DHRSX: variants seen among roughly 807,000 people sequenced by gnomAD.
The protein encoded by DHRSX is dehydrogenase/reductase X-linked.
Under a neutral mutation model 34.0 loss-of-function variants are expected in DHRSX, and 31 were observed. The ratio of observed to expected loss-of-function variants is 0.91; its 90% CI spans 0.69 to 1.23. The LOEUF (loss-of-function observed/expected upper bound fraction) is 1.23, where lower values mean the gene tolerates loss of function less well. Among genes scored for constraint, DHRSX ranks in the 50% most tolerant of loss-of-function variants. The pLI, the probability that DHRSX is intolerant of heterozygous loss-of-function variation, is 0.00. For missense variants in DHRSX, 414 were observed against 428.1 expected (o/e 0.97, Z 0.29); for synonymous variants, 201 against 183.8 (o/e 1.09, Z -0.76).
intron 3 of DHRSX, among the ~76,000 whole-genome samples, chrX:2,397,690 C>T (rs1463032051): frequency 1.3e-5 from 2 of 151,926 alleles, no homozygotes; most frequent in Non-Finnish European, 2.9e-5. Flanking sequence ...TTAAATAGCG[C>T]GTAGAATTTG....
intron 3 of DHRSX, among the ~76,000 whole-genome samples, chrX:2,330,245 A>G (rs1197446793): frequency 2.6e-5 from 4 of 151,434 alleles, no homozygotes; most frequent in Non-Finnish European, 4.4e-5. Context: ...AGAAGGGGCC[A>G]GGTGCGGTGT....
chrX:2,254,657 T>A (rs2041251264), intron 5 of DHRSX, among the ~76,000 whole-genome samples: 1 of 152,170 alleles, frequency 6.6e-6, no homozygotes, highest in African/African-American at 2.4e-5. Flanking sequence ...TTTGTTTGTT[T>A]GTTTTTTTGA....
intron 4 of DHRSX, among the ~76,000 whole-genome samples, chrX:2,287,392 C>T (rs2124486316): frequency 6.6e-6 from 1 of 151,980 alleles, no homozygotes; most frequent in East Asian, 1.9e-4. Flanking sequence ...AGAATAATGA[C>T]CCAAAGATGT....
chrX:2,459,144 A>G (rs1226814226), intron 1 of DHRSX, among the ~76,000 whole-genome samples: 2 of 152,114 alleles, frequency 1.3e-5, no homozygotes, highest in African/African-American at 4.8e-5. Flanking sequence ...TCTCAAAAAC[A>G]TAAATTACAT....
rs763372521 is a variant in DHRSX, at chrX:2,330,136, AAGG to A, written c.287-38536_287-38534del. The stretch of plus-strand genomic sequence containing the variant: ...AGAGAGAGAGAGACAGAGAGAAAGG[AAGG>A]AGGAGGAGGAGAAAGGAAGGAGGAG... On this transcript the variant is annotated intron_variant, in intron 3 of 6. Transcript: ENST00000334651. 7.3e-5 allele frequency among the ~76,000 whole-genome samples: 8 copies of A among 109,650 alleles called. No homozygotes were observed. The East Asian group carries it at 2.2e-3, about 30-fold the overall frequency. The allele number at this position is 109,650 out of a possible 152,430, so 71.9% of individuals were successfully genotyped here.
At chrX:2,282,651 GGA>G (rs1353526373) in intron 4 of DHRSX, among the ~76,000 whole-genome samples, 9 of 137,144 alleles carry the variant, frequency 6.6e-5, no homozygotes, top group South Asian at 2.5e-4. Context: ...AGGGAGAGAG[GGA>G]GAGAGAGAAT....
chrX:2,267,552 A>C (rs926908583), intron 4 of DHRSX, among the ~76,000 whole-genome samples: 1 of 151,490 alleles, frequency 6.6e-6, no homozygotes, highest in Non-Finnish European at 1.5e-5. Flanking sequence ...TCAAAAAAAA[A>C]AAAAAGGAAA....
intron 3 of DHRSX, among the ~76,000 whole-genome samples, chrX:2,354,555 G>A (rs867483515): frequency 1.3e-5 from 2 of 152,116 alleles, no homozygotes; most frequent in East Asian, 1.9e-4. Context: ...TCTGTCTCCC[G>A]GGTTCACACC....
chrX:2,295,425 G>GC (rs1569484906), intron 3 of DHRSX, among the ~76,000 whole-genome samples: 1 of 152,094 alleles, frequency 6.6e-6, no homozygotes, highest in Non-Finnish European at 1.5e-5. Flanking sequence ...GGGCTTGCTG[G>GC]GGGGTGGAGG....
At chrX:2,251,261 C>G (rs2016428019) in intron 5 of DHRSX, among the ~76,000 whole-genome samples, 1 of 152,154 alleles carries the variant, frequency 6.6e-6, no homozygotes, top group South Asian at 2.1e-4. Context: ...AAGACTTGTG[C>G]TAACATTCCT....
At chrX:2,446,140 C>T (rs2044130953) in intron 1 of DHRSX, among the ~76,000 whole-genome samples, 2 of 150,262 alleles carry the variant, frequency 1.3e-5, no homozygotes, top group African/African-American at 2.4e-5. Context: ...AAGTGTGCGG[C>T]CAAGGGACTA....
intron 1 of DHRSX, among the ~76,000 whole-genome samples, chrX:2,484,772 A>G (rs146566585): frequency 0.012 from 1,813 of 152,164 alleles, 19 homozygotes; most frequent in Middle Eastern, 0.058. Flanking sequence ...CTGCTGCCCA[A>G]GCACATCTGA....
At chrX:2,331,436 G>GGTT (rs1249970222) in intron 3 of DHRSX, among the ~76,000 whole-genome samples, 1 of 94,658 alleles carries the variant, frequency 1.1e-5, no homozygotes, top group African/African-American at 3.3e-5. Context: ...AGGTTTTTTG[G>GGTT]TTTTTTTTTT....
At chrX:2,433,919 C>T (rs1342005046) in intron 1 of DHRSX, among the ~76,000 whole-genome samples, 43 of 152,092 alleles carry the variant, frequency 2.8e-4, no homozygotes, top group African/African-American at 4.6e-4. Flanking sequence ...GGACTACAGG[C>T]GCCCGCCACC....
At chrX:2,256,236 A>G (rs2041276731) in intron 5 of DHRSX, among the ~76,000 whole-genome samples, 2 of 150,456 alleles carry the variant, frequency 1.3e-5, no homozygotes, top group African/African-American at 4.9e-5. Context: ...CTTGCGATCC[A>G]CCCCTCTCAG....
intron 4 of DHRSX, among the ~76,000 whole-genome samples, chrX:2,272,867 A>G (rs2041575817): frequency 6.6e-6 from 1 of 152,254 alleles, no homozygotes; most frequent in South Asian, 2.1e-4. Context: ...TACAAGCTGT[A>G]TAGAAAACAG....
intron 5 of DHRSX, among the ~76,000 whole-genome samples, chrX:2,260,617 G>A (rs1442309288): frequency 3.9e-5 from 6 of 151,924 alleles, no homozygotes; most frequent in Admixed American, 1.3e-4. Context: ...GCAGCACCAC[G>A]CCCGGCTAAT....
intron 3 of DHRSX, among the ~76,000 whole-genome samples, chrX:2,306,489 T>A (rs1359299187): frequency 6.8e-6 from 1 of 147,570 alleles, no homozygotes; most frequent in East Asian, 2.0e-4. Flanking sequence ...TGAGGCAGAG[T>A]CTTGCTCTGT....
chrX:2,227,464 AAAGG>A (rs2015698084), intron 6 of DHRSX, among the ~76,000 whole-genome samples: 1 of 143,084 alleles, frequency 7.0e-6, no homozygotes, highest in Non-Finnish European at 1.5e-5. Context: ...AGGCAGTAAG[AAAGG>A]AAGGAAGCAG....
Sources: allele counts gnomAD v4.1 joint callset (sites outside exome capture counted in the v4.1 genomes callset), GRCh38; gene constraint gnomAD v4.1.1; transcripts MANE v1.5; gene names NCBI Gene and HGNC (gene_info 2026-07-23, HGNC 2026-07-21).